The following PARD3B variants were observed in gnomAD, a reference collection of about 807,000 sequenced individuals.
PARD3B encodes partitioning defective 3 homolog B.
PARD3B carries 103 observed loss-of-function variants against 130.2 expected under a neutral mutation model. The observed-to-expected ratio is 0.79, with a 90% CI of 0.67 to 0.93. The LOEUF (loss-of-function observed/expected upper bound fraction) is 0.93. Among genes scored for constraint, PARD3B ranks in the 40% least tolerant of loss-of-function variants. The pLI, the probability that PARD3B is intolerant of heterozygous loss-of-function variation, is 0.00. For missense variants in PARD3B, 1,609 were observed against 1,499.2 expected, an observed-to-expected ratio of 1.07 and a Z score of -1.21; for synonymous variants, 583 against 553.2, an observed-to-expected ratio of 1.05 and a Z score of -0.76.
chr2:204,652,389 A>G (rs1283337252), intron 1 of PARD3B, among the ~76,000 whole-genome samples: 1 of 152,146 alleles, frequency 6.6e-6, no homozygotes, highest in African/African-American at 2.4e-5. Context: ...TCTCAAGTTC[A>G]AAGTTTCTAG....
At chr2:205,489,500 T>TAGATATACGTATATATACAC (rs2049587634) in intron 20 of PARD3B, among the ~76,000 whole-genome samples, 1 of 139,404 alleles carries the variant, frequency 7.2e-6, no homozygotes, top group Non-Finnish European at 1.5e-5. Context: ...TATGTGTGTA[T>TAGATATACGTATATATACAC]ATATATATAC....
At position 204,730,714 on chromosome 2, in the gene PARD3B, G is replaced by A. The variant is rs139970109; in HGVS notation, c.222+44432G>A. Among the ~76,000 whole-genome samples the A allele has an allele frequency of 3.0e-3, 461 of 152,278 alleles. 1 individual carries two copies. Among genetic ancestry groups the A allele is most frequent in the Non-Finnish European group, 5.1e-3 (344 of 68,028 alleles). Reference sequence around the variant, plus strand: ...TATTAAACACAGATGGAATATTTCAGTCTCAGCTGTCATTGAAGAATCTCC... The same window carrying A: ...TATTAAACACAGATGGAATATTTCAATCTCAGCTGTCATTGAAGAATCTCC... On this transcript the variant is annotated intron_variant, in intron 2 of 22. Coordinates refer to ENST00000406610, the MANE Select transcript of PARD3B (RefSeq NM_001302769.2).
chr2:205,036,934 T>C (rs1697977152), intron 3 of PARD3B, among the ~76,000 whole-genome samples: 2 of 150,898 alleles, frequency 1.3e-5, no homozygotes, highest in African/African-American at 4.9e-5. Flanking sequence ...AAAAAACATA[T>C]AGTGGACTGT....
intron 2 of PARD3B, among the ~76,000 whole-genome samples, chr2:204,753,825 G>A (rs916214774): frequency 2.0e-5 from 3 of 152,126 alleles, no homozygotes; most frequent in Admixed American, 1.3e-4. Flanking sequence ...GGCTGAAGAA[G>A]GAGGATTGCT....
At chr2:205,150,775 G>A (rs189717405) in intron 10 of PARD3B, among the ~76,000 whole-genome samples, 68 of 152,244 alleles carry the variant, frequency 4.5e-4, no homozygotes, top group Non-Finnish European at 7.4e-4. Flanking sequence ...GAGACACAAG[G>A]ATACAGTATA....
At chr2:204,706,266 C>T (rs1205658663) in intron 2 of PARD3B, among the ~76,000 whole-genome samples, 1 of 151,440 alleles carries the variant, frequency 6.6e-6, no homozygotes, top group African/African-American at 2.4e-5. Flanking sequence ...ACTCGGGAGG[C>T]TGAGGCAGGA....
Position 204,799,119 on chromosome 2 carries a change from A to G in PARD3B, c.222+112837A>G, listed in dbSNP as rs534896108. Among the ~76,000 whole-genome samples, 313 of 152,174 alleles carry G rather than the reference A, an allele frequency of 2.1e-3. 4 individuals carry two copies. The highest frequency in any genetic ancestry group is 5.7e-3 in the African/African-American group (236 of 41,534). ...CCTGGACATTATTTTTGGACCTGCT[A>G]TGGGCCAGACGGGAGCCCACTACCC... On this transcript the variant is annotated intron_variant, in intron 2 of 22. Coordinates refer to ENST00000406610, the MANE Select transcript of PARD3B (RefSeq NM_001302769.2). The surrounding 1 kb of genome is among the most constrained non-coding windows in gnomAD (Gnocchi z 4.1).
In PARD3B at chr2:205,172,389, A is replaced by G. The variant is rs758418868; in HGVS notation, c.1791+8A>G. ...CCAGAGAGACCAATGGAGGTGATGC[A>G]AATCTTGATTCTCCTCAGCCAGTTG... On this transcript the variant is annotated splice_region_variant and intron_variant, in intron 12 of 22. Transcript: ENST00000406610. 15 of 1,610,534 alleles carry G rather than the reference A, an allele frequency of 9.3e-6. No homozygotes were observed. The highest frequency in any genetic ancestry group is 1.3e-5 in the Non-Finnish European group (15 of 1,177,692).
In PARD3B at chr2:205,114,511, A is replaced by G. The variant is rs1456060340; in HGVS notation, c.680+934A>G. Among the ~76,000 whole-genome samples, 3 of 152,154 alleles carry G rather than the reference A, an allele frequency of 2.0e-5. No individual in the cohort carries two copies. In the East Asian group the frequency reaches 5.8e-4, roughly 29 times the overall value. On this transcript the variant is annotated intron_variant, in intron 6 of 22. Transcript: ENST00000406610. Reference sequence around the variant, plus strand: ...CTTAGTTTAGTTTAGGATATCAAAGACGAGACAAGTCAATTGATTTTCCCA... The same window carrying G: ...CTTAGTTTAGTTTAGGATATCAAAGGCGAGACAAGTCAATTGATTTTCCCA...
At chr2:204,909,225 A>C (rs2047144825) in intron 2 of PARD3B, among the ~76,000 whole-genome samples, 1 of 152,204 alleles carries the variant, frequency 6.6e-6, no homozygotes, top group Admixed American at 6.5e-5. Flanking sequence ...ATAAAATTGA[A>C]AATGCACATA....
chr2:205,131,623 C>G (rs568801463), intron 10 of PARD3B, among the ~76,000 whole-genome samples: 23 of 152,122 alleles, frequency 1.5e-4, no homozygotes, highest in Non-Finnish European at 3.4e-4. Flanking sequence ...ATGTCAGGAA[C>G]CAAGAAAACC....
intron 2 of PARD3B, among the ~76,000 whole-genome samples, chr2:204,964,814 A>C (rs1244201681): frequency 2.0e-5 from 3 of 152,092 alleles, no homozygotes; most frequent in African/African-American, 7.2e-5. Flanking sequence ...TTTAATAAAG[A>C]GTTAATGAAG....
intron 2 of PARD3B, among the ~76,000 whole-genome samples, chr2:204,750,186 T>C (rs1234601684): frequency 1.3e-5 from 2 of 152,214 alleles, no homozygotes; most frequent in African/African-American, 4.8e-5. Context: ...AGGTTTCTGT[T>C]ATCATTTGGA....
rs146663651 is a variant in PARD3B at position 205,134,681 on chromosome 2, T to C, written c.1434+8944T>C. Among the ~76,000 whole-genome samples, 6 of 152,326 alleles carry C rather than the reference T, an allele frequency of 3.9e-5. No individual in the cohort carries two copies. In the East Asian group the frequency reaches 9.6e-4, roughly 24 times the overall value. On this transcript the variant is annotated intron_variant, in intron 10 of 22. Coordinates refer to ENST00000406610, the MANE Select transcript of PARD3B (RefSeq NM_001302769.2). ...ATAGCCCACAAGGCCAAGGGATTAA[T>C]AGTCATTTGCTGCTCCCTAAGAAGT...
chr2:205,111,940 G>A (rs138892068), intron 5 of PARD3B, among the ~76,000 whole-genome samples: 28 of 152,110 alleles, frequency 1.8e-4, no homozygotes, highest in East Asian at 1.2e-3. Flanking sequence ...TATATAAAAC[G>A]TATTGCTTTT....
intron 16 of PARD3B, among the ~76,000 whole-genome samples, chr2:205,275,439 A>G (rs1016946535): frequency 1.3e-5 from 2 of 152,188 alleles, no homozygotes; most frequent in African/African-American, 4.8e-5. Flanking sequence ...AGATTACCCA[A>G]AAGAGTTGAT....
At chr2:205,462,384 T>G (rs2048479849) in intron 20 of PARD3B, among the ~76,000 whole-genome samples, 1 of 152,002 alleles carries the variant, frequency 6.6e-6, no homozygotes, top group Admixed American at 6.5e-5. Flanking sequence ...AGTCTTAATG[T>G]TTTTTTTGAC....
At chr2:205,043,582 G>A (rs186370699) in intron 3 of PARD3B, among the ~76,000 whole-genome samples, 19 of 152,240 alleles carry the variant, frequency 1.2e-4, no homozygotes, top group African/African-American at 3.6e-4. Context: ...AGATTTATAA[G>A]CTTCTTCACT....
chr2:205,500,170 A>C, intron 21 of PARD3B, 139 bp downstream of exon 21: 1 of 968,032 alleles, frequency 1.0e-6, no homozygotes, highest in East Asian at 2.5e-5. Context: ...ACATTACCCA[A>C]ACCACAGGCA....
Sources: gnomAD v4.1 joint callset for allele counts (sites outside exome capture counted in the v4.1 genomes callset) on GRCh38, gnomAD v4.1.1 for gene constraint, Gnocchi (gnomAD v3.1) non-coding constraint, MANE v1.5 for transcripts, NCBI Gene and HGNC (gene_info 2026-07-23, HGNC 2026-07-21) for gene names.